OPHN1: variants seen among roughly 807,000 people sequenced by gnomAD.
OPHN1 encodes the protein oligophrenin-1.
A neutral mutation model predicts 60.7 loss-of-function variants in OPHN1; 11 were observed. The ratio of observed to expected loss-of-function variants is 0.18; its 90% CI spans 0.11 to 0.30. OPHN1 has a LOEUF of 0.30. Ranked by LOEUF, OPHN1 falls within the 10% of genes least tolerant of loss-of-function variation. OPHN1 has a pLI of 1.00. For synonymous variants in OPHN1, 226 were observed against 222.6 expected (o/e 1.02, Z -0.14); for missense variants, 449 against 611.0 (o/e 0.73, Z 2.80).
intron 4 of OPHN1, among the ~76,000 whole-genome samples, chrX:68,279,112 T>TC: frequency 1.7e-5 from 1 of 57,759 alleles, no homozygotes; most frequent in Non-Finnish European, 3.4e-5. Context: ...TTTTTTTTTT[T>TC]TTTTTTTTTT....
chrX:68,308,777 G>A (rs867936317), intron 2 of OPHN1, among the ~76,000 whole-genome samples: 9 of 109,571 alleles, frequency 8.2e-5, no homozygotes, highest in East Asian at 2.9e-4. Flanking sequence ...AGTGGTTCTC[G>A]CACTTGTTTT....
rs779640642 is a variant in OPHN1, at chrX:68,374,340, G to C, written c.154+58527C>G. 1.9e-3 allele frequency among the ~76,000 whole-genome samples: 195 copies of C among 100,447 alleles called. 1 individual carries two copies. Among genetic ancestry groups the C allele is most frequent in the African/African-American group, 7.5e-3 (190 of 25,488 alleles). The allele number at this position is 100,447 out of a possible 115,157, so 87.2% of individuals were successfully genotyped here. ...CACTGCACTCCAGGCTGGCAACAGA[G>C]TGAGACTCCATCTCAAAAAAAAAAA... On this transcript the variant is annotated intron_variant, in intron 2 of 24. Coordinates refer to ENST00000355520, the MANE Select transcript of OPHN1 (RefSeq NM_002547.3).
chrX:68,236,509 C>T (rs2077753609), intron 5 of OPHN1, among the ~76,000 whole-genome samples: 1 of 112,054 alleles, frequency 8.9e-6, no homozygotes, highest in Admixed American at 9.4e-5. Context: ...AAAATATTTT[C>T]ATCACCCCAA....
chrX:68,279,104 T>C (rs1329729763), intron 4 of OPHN1, among the ~76,000 whole-genome samples: 1 of 46,997 alleles, frequency 2.1e-5, no homozygotes, highest in Non-Finnish European at 4.1e-5. Flanking sequence ...CCCCGCTCTT[T>C]TTTTTTTTTT....
At chrX:68,413,852 T>C (rs1006343858) in intron 2 of OPHN1, among the ~76,000 whole-genome samples, 1 of 111,836 alleles carries the variant, frequency 8.9e-6, no homozygotes, top group Non-Finnish European at 1.9e-5. Context: ...TCTCTTAATT[T>C]AGGTACAAGC....
At chrX:68,070,751 C>A in intron 20 of OPHN1, 1 of 1,133,596 alleles carries the variant, frequency 8.8e-7, no homozygotes, top group Non-Finnish European at 1.2e-6. Context: ...ATTCAAATAC[C>A]CCCCACAGGA....
intron 5 of OPHN1, 144 bp from the exon 6 acceptor site, chrX:68,234,732 A>C: frequency 2.0e-6 from 1 of 494,543 alleles, no homozygotes; most frequent in Non-Finnish European, 3.5e-6. Flanking sequence ...ACGGAGAATT[A>C]ACTTTGTATT....
intron 15 of OPHN1, among the ~76,000 whole-genome samples, chrX:68,188,373 C>A (rs1174420171): frequency 8.9e-6 from 1 of 111,883 alleles, no homozygotes; most frequent in African/African-American, 3.2e-5. Context: ...CAGTAAATAT[C>A]CATTGATAAA....
intron 5 of OPHN1, among the ~76,000 whole-genome samples, chrX:68,261,425 C>T (rs940352800): frequency 8.9e-6 from 1 of 111,737 alleles, no homozygotes; most frequent in African/African-American, 3.3e-5. Context: ...CCATTATAAA[C>T]AGAGCTGGAC....
At chrX:68,398,474 G>A (rs1465723293) in intron 2 of OPHN1, among the ~76,000 whole-genome samples, 2 of 112,183 alleles carry the variant, frequency 1.8e-5, no homozygotes, top group Non-Finnish European at 3.8e-5. Context: ...TGGTGATGAT[G>A]CATTTAATGG....
At chrX:68,357,216 G>T (rs1342375922) in intron 2 of OPHN1, among the ~76,000 whole-genome samples, 1 of 111,778 alleles carries the variant, frequency 8.9e-6, no homozygotes, top group East Asian at 2.8e-4. Context: ...CTAGCTCTCA[G>T]CAAAACAGAG....
chrX:68,349,797 A>C (rs2078398155), intron 2 of OPHN1, among the ~76,000 whole-genome samples: 1 of 110,977 alleles, frequency 9.0e-6, no homozygotes, highest in South Asian at 3.9e-4. Context: ...TTCTCAGCAA[A>C]CTATCACAAG....
At chrX:68,174,832 C>T (rs2077407330) in intron 15 of OPHN1, among the ~76,000 whole-genome samples, 1 of 110,149 alleles carries the variant, frequency 9.1e-6, no homozygotes, top group Non-Finnish European at 1.9e-5. Flanking sequence ...ACCTGTAATC[C>T]CAGCACTTTG....
intron 20 of OPHN1, chrX:68,071,577 A>T: frequency 3.4e-6 from 2 of 583,996 alleles, no homozygotes; most frequent in Admixed American, 4.5e-5. Flanking sequence ...AGGCTGGCCT[A>T]GGTGGCTCAT....
chrX:68,287,337 T>TA (rs369103492), intron 3 of OPHN1, among the ~76,000 whole-genome samples: 3,150 of 70,296 alleles, frequency 0.045, 102 homozygotes, highest in African/African-American at 0.1. Context: ...GAAAAGAAAT[T>TA]AAAAAAAAAA....
At chrX:68,071,239 A>G (rs1249864600) in intron 20 of OPHN1, 27 of 660,212 alleles carry the variant, frequency 4.1e-5, no homozygotes, top group Non-Finnish European at 6.6e-5. Flanking sequence ...TGGCAGACTG[A>G]CTCCTACCAT....
chrX:68,058,259 AAC>A (rs745625536), intron 21 of OPHN1, among the ~76,000 whole-genome samples: 2,102 of 101,445 alleles, frequency 0.021, 46 homozygotes, highest in African/African-American at 0.065. Flanking sequence ...CCTACACTCT[AAC>A]ACACACACAC....
intron 2 of OPHN1, among the ~76,000 whole-genome samples, chrX:68,410,989 G>T (rs1267563055): frequency 1.8e-5 from 2 of 111,820 alleles, no homozygotes; most frequent in Admixed American, 1.9e-4. Flanking sequence ...ATGTATCAGG[G>T]CTAAGGGAAA....
In OPHN1 at chrX:68,299,036, A is replaced by G. The variant is rs763066236; in HGVS notation, c.215T>C (p.Ile72Thr). The G allele has an allele frequency of 1.2e-5, 14 of 1,194,416 alleles. No individual in the cohort carries two copies. Among genetic ancestry groups the G allele is most frequent in the Admixed American group, 8.8e-5 (4 of 45,393 alleles). Residue 72 changes from isoleucine to threonine, a missense_variant, in exon 3 of 25, where the codon ATT becomes ACT. Ile to Thr is a moderately conservative substitution (Grantham distance 89). Coordinates refer to ENST00000355520, the MANE Select transcript of OPHN1 (RefSeq NM_002547.3). The stretch of plus-strand genomic sequence containing the variant: ...TTCATCATCAGTCAGAGTGTCTCCA[A>G]TGAAATCAAACTGAAATGACTGCAG... ...QTLQSFQFDF[I>T]GDTLTDDEIN...
Sources: allele counts gnomAD v4.1 joint callset (sites outside exome capture counted in the v4.1 genomes callset), GRCh38; gene constraint gnomAD v4.1.1; transcripts MANE v1.5; gene names NCBI Gene and HGNC (gene_info 2026-07-23, HGNC 2026-07-21).